The following ZNF385D variants were observed in gnomAD, a reference collection of about 807,000 sequenced individuals.
The protein encoded by ZNF385D is zinc finger protein 385D.
ZNF385D carries 15 observed loss-of-function variants against 35.8 expected under a neutral mutation model. The ratio of observed to expected loss-of-function variants is 0.42; its 90% confidence interval spans 0.28 to 0.64. The LOEUF is 0.64. Ranked by LOEUF, ZNF385D falls within the 30% of genes least tolerant of loss-of-function variation. ZNF385D has a pLI of 0.23. For missense variants in ZNF385D, 474 were observed against 494.6 expected, an observed-to-expected ratio of 0.96 and a Z score of 0.39; for synonymous variants, 212 against 186.8, an observed-to-expected ratio of 1.13 and a Z score of -1.10.
chr3:21,690,636 C>A (rs2067252187), intron 1 of ZNF385D, among the ~76,000 whole-genome samples: 1 of 152,140 alleles, frequency 6.6e-6, no homozygotes, highest in African/African-American at 2.4e-5. Flanking sequence ...CTTGAAGACC[C>A]ACTCTCACCA....
chr3:21,888,086 C>T (rs983442457), intron 3 of ZNF385D, among the ~76,000 whole-genome samples: 3 of 152,128 alleles, frequency 2.0e-5, no homozygotes, highest in Admixed American at 1.3e-4. Flanking sequence ...TGCTCCCCCC[C>T]TTTTTTGGAA....
intron 3 of ZNF385D, among the ~76,000 whole-genome samples, chr3:22,143,574 T>A (rs559399834): frequency 2.0e-5 from 3 of 152,262 alleles, no homozygotes; most frequent in Non-Finnish European, 4.4e-5. Flanking sequence ...TTTGGCATAC[T>A]GAGATAACAC....
At chr3:22,303,964 G>C (rs1386934863) in intron 2 of ZNF385D, among the ~76,000 whole-genome samples, 1 of 152,116 alleles carries the variant, frequency 6.6e-6, no homozygotes, top group Admixed American at 6.6e-5. Flanking sequence ...TTTTAGTAGA[G>C]ACAGGGTTTC....
chr3:21,427,888 GCA>G (rs80162236), intron 5 of ZNF385D, among the ~76,000 whole-genome samples: 1 of 151,732 alleles, frequency 6.6e-6, no homozygotes, highest in South Asian at 2.1e-4. Context: ...ACATGCACAT[GCA>G]CACACACACA....
intron 2 of ZNF385D, among the ~76,000 whole-genome samples, chr3:22,253,334 T>C (rs995896499): frequency 2.0e-5 from 3 of 151,956 alleles, no homozygotes; most frequent in Non-Finnish European, 4.4e-5. Flanking sequence ...ATAAGGTTAG[T>C]TGCATCAAGA....
chr3:21,584,494 G>A (rs950849099), intron 2 of ZNF385D, among the ~76,000 whole-genome samples: 2 of 152,080 alleles, frequency 1.3e-5, no homozygotes, highest in African/African-American at 2.4e-5. Context: ...CCAAAAGGCC[G>A]AGAAGCTATT....
chr3:21,739,744 G>T (rs1282412276), intron 1 of ZNF385D, among the ~76,000 whole-genome samples: 2 of 152,174 alleles, frequency 1.3e-5, no homozygotes, highest in African/African-American at 4.8e-5. Flanking sequence ...ATGGTCACCT[G>T]CAATTGATCT....
chr3:21,425,966 A>G (rs1328126527), intron 5 of ZNF385D, among the ~76,000 whole-genome samples: 2 of 152,192 alleles, frequency 1.3e-5, no homozygotes, highest in African/African-American at 4.8e-5. Context: ...ATAGTAACTA[A>G]ACTTTAGAGT....
intron 2 of ZNF385D, among the ~76,000 whole-genome samples, chr3:22,246,371 A>T (rs1246494200): frequency 6.6e-6 from 1 of 152,098 alleles, no homozygotes; most frequent in Non-Finnish European, 1.5e-5. Flanking sequence ...TAATTTCCCT[A>T]ATGTGTTATG....
chr3:22,160,013 T>A (rs1186623707), intron 3 of ZNF385D, among the ~76,000 whole-genome samples: 1 of 152,002 alleles, frequency 6.6e-6, no homozygotes, highest in Non-Finnish European at 1.5e-5. Context: ...TGGGGGTAAT[T>A]GAATCATGGG....
At chr3:21,821,545 G>T (rs1000928483) in intron 3 of ZNF385D, among the ~76,000 whole-genome samples, 2 of 152,096 alleles carry the variant, frequency 1.3e-5, no homozygotes, top group South Asian at 4.2e-4. Context: ...AAAAAATTGG[G>T]CAATGGCTTG....
intron 3 of ZNF385D, among the ~76,000 whole-genome samples, chr3:21,772,063 T>C (rs1236674609): frequency 1.3e-5 from 2 of 151,886 alleles, no homozygotes; most frequent in East Asian, 1.9e-4. Flanking sequence ...TCTAAAACCA[T>C]GTAAAAAATT....
At chr3:22,302,495 T>C (rs1702956957) in intron 2 of ZNF385D, among the ~76,000 whole-genome samples, 1 of 152,002 alleles carries the variant, frequency 6.6e-6, no homozygotes, top group Non-Finnish European at 1.5e-5. Flanking sequence ...GTACAGTTTA[T>C]ATTTATGCTT....
rs61113423 is a variant in ZNF385D, at chr3:22,185,694, C to T, written c.107-16659G>A. Among the ~76,000 whole-genome samples, 737 of 152,294 alleles carry T rather than the reference C, an allele frequency of 4.8e-3. 10 individuals are homozygous for T. Among genetic ancestry groups the T allele is most frequent in the African/African-American group, 0.017 (690 of 41,566 alleles). ...TCTTGGCCAGGCTGGTCTTGAACTCCTAACGTCATGATCCACCCGCCTTGG... is the reference window on the plus strand; with the variant it reads ...TCTTGGCCAGGCTGGTCTTGAACTCTTAACGTCATGATCCACCCGCCTTGG... On this transcript the variant is annotated intron_variant, in intron 2 of 5. Transcript: ENST00000494108.
At chr3:22,265,376 C>CA (rs1215992273) in intron 2 of ZNF385D, among the ~76,000 whole-genome samples, 1 of 151,848 alleles carries the variant, frequency 6.6e-6, no homozygotes, top group Non-Finnish European at 1.5e-5. Flanking sequence ...CATGAAATTA[C>CA]AAAAAATTTT....
chr3:22,049,313 A>AAAATAAAATAAAATAAAATAAAATT (rs1699203179), intron 3 of ZNF385D, among the ~76,000 whole-genome samples: 3 of 151,594 alleles, frequency 2.0e-5, no homozygotes, highest in Non-Finnish European at 4.4e-5. Context: ...AAAATAAAAT[A>AAAATAAAATAAAATAAAATAAAATT]AAATAAAATA....
intron 2 of ZNF385D, among the ~76,000 whole-genome samples, chr3:22,311,882 T>C (rs1168331852): frequency 2.0e-5 from 3 of 152,140 alleles, no homozygotes; most frequent in Non-Finnish European, 2.9e-5. Context: ...ACCTACAATT[T>C]TGTCAAGTGG....
chr3:21,606,327 G>A (rs549465990), intron 2 of ZNF385D, among the ~76,000 whole-genome samples: 69 of 152,144 alleles, frequency 4.5e-4, no homozygotes, highest in African/African-American at 1.5e-3. Context: ...TCCTGTAGCC[G>A]TCCTCTCACC....
At chr3:21,753,466 A>G (rs958028460), upstream of ZNF385D, among the ~76,000 whole-genome samples, 7 of 152,238 alleles carry the variant, frequency 4.6e-5, no homozygotes, top group Non-Finnish European at 8.8e-5. Context: ...GCCTGGTAGT[A>G]TACCCCAAAA....
Sources: gnomAD v4.1 joint callset for allele counts (sites outside exome capture counted in the v4.1 genomes callset) on GRCh38, gnomAD v4.1.1 for gene constraint, MANE v1.5 for transcripts, NCBI Gene and HGNC (gene_info 2026-07-23, HGNC 2026-07-21) for gene names.